GPR19: variants seen among roughly 807,000 people sequenced by gnomAD.
GPR19 encodes the protein probable G protein-coupled receptor 19.
Under a neutral mutation model 28.5 loss-of-function variants are expected in GPR19, and 14 were observed. The observed-to-expected ratio is 0.49, with a 90% CI of 0.32 to 0.77. The LOEUF (loss-of-function observed/expected upper bound fraction) is 0.77, where lower values mean the gene tolerates loss of function less well. Ranked by LOEUF, GPR19 falls within the 30% of genes least tolerant of loss-of-function variation. GPR19 has a pLI of 0.03. For synonymous variants in GPR19, 173 were observed against 184.1 expected, an observed-to-expected ratio of 0.94 and a Z score of 0.49; for missense variants, 409 against 504.1, an observed-to-expected ratio of 0.81 and a Z score of 1.81.
chr12:12,689,335 A>G (rs1235936622), intron 2 of GPR19, among the ~76,000 whole-genome samples: 2 of 152,186 alleles, frequency 1.3e-5, no homozygotes, highest in Admixed American at 1.3e-4. Context: ...GTCATCCTGG[A>G]AACTTGAAAG....
chr12:12,661,296 T>C lies in GPR19; in HGVS notation c.1153A>G (p.Thr385Ala). Residue 385 changes from threonine to alanine, a missense_variant, in exon 4 of 4, where the codon ACC becomes GCC. Thr to Ala is a moderately conservative substitution (Grantham distance 58, BLOSUM62 0). Coordinates refer to ENST00000651487, the MANE Select transcript of GPR19 (RefSeq NM_006143.3). This position sits in a 1 kb window ranked among gnomAD's most constrained non-coding sequence, Gnocchi z 4.2. Reference sequence around the variant, plus strand: ...AATGAGTCATAGATCGAGTCTTTGGTAATAGTTTTGGCCATGGAAGGGATT... The same window carrying C: ...AATGAGTCATAGATCGAGTCTTTGGCAATAGTTTTGGCCATGGAAGGGATT... ...SEIPSMAKTITKDSIYDSFDR... is the reference protein window; with the variant it reads ...SEIPSMAKTIAKDSIYDSFDR... The C allele has an allele frequency of 6.2e-7, 1 of 1,613,856 alleles. No individual in the cohort carries two copies. The highest frequency in any genetic ancestry group is 8.5e-7 in the Non-Finnish European group (1 of 1,179,748).
intron 3 of GPR19, among the ~76,000 whole-genome samples, chr12:12,673,047 T>G (rs1293532110): frequency 2.0e-5 from 3 of 152,128 alleles, no homozygotes; most frequent in Non-Finnish European, 4.4e-5. Flanking sequence ...GGACCAAGAA[T>G]TGACGGGAAA....
chr12:12,661,420 C>T lies in GPR19; in HGVS notation c.1029G>A (p.Glu343=), dbSNP rs1945671754. The T allele has an allele frequency of 1.9e-6, 3 of 1,612,918 alleles. No individual in the cohort carries two copies. The highest frequency in any genetic ancestry group is 2.5e-6 in the Non-Finnish European group (3 of 1,179,046). The change falls in exon 4 of 4, where the codon GAG becomes GAA. Residue 343 remains glutamate (E), a synonymous_variant. Transcript: ENST00000651487. This position sits in a 1 kb window ranked among gnomAD's most constrained non-coding sequence, Gnocchi z 4.2. ...YNANFRRGMK[E]TFCMSSMKCY... ...ATTTCATAGAGGACATGCAAAAAGT[C>T]TCTTTCATCCCTCTCCGAAAATTGG...
chr12:12,710,079 C>T, the GPR19 span, among the ~76,000 whole-genome samples: 6 of 152,238 alleles, frequency 3.9e-5, no homozygotes, highest in South Asian at 1.2e-3. Context: ...CAGCCAGGTG[C>T]GGTGGCTCAC....
intron 3 of GPR19, among the ~76,000 whole-genome samples, chr12:12,672,279 C>T (rs1268437636): frequency 2.0e-5 from 3 of 152,164 alleles, no homozygotes; most frequent in African/African-American, 4.8e-5. Flanking sequence ...ACCACCCCCA[C>T]GGATGTATAA....
chr12:12,674,705 C>A (rs1945906154), intron 3 of GPR19, among the ~76,000 whole-genome samples: 1 of 152,058 alleles, frequency 6.6e-6, no homozygotes, highest in Non-Finnish European at 1.5e-5. Flanking sequence ...AACCTGTGCC[C>A]ATTTGAATCA....
At chr12:12,689,302 A>G (rs531616643) in intron 2 of GPR19, among the ~76,000 whole-genome samples, 10 of 152,328 alleles carry the variant, frequency 6.6e-5, no homozygotes, top group Non-Finnish European at 1.0e-4. Flanking sequence ...TGGCAGGGAC[A>G]TATATTCAAA....
the GPR19 span, among the ~76,000 whole-genome samples, chr12:12,705,874 T>G: frequency 6.6e-6 from 1 of 152,182 alleles, no homozygotes; most frequent in East Asian, 1.9e-4. Flanking sequence ...TTTATGACAG[T>G]TAAGAAAAGA....
At chr12:12,704,369 G>A in the GPR19 span, among the ~76,000 whole-genome samples, 2 of 152,160 alleles carry the variant, frequency 1.3e-5, no homozygotes, top group African/African-American at 2.4e-5. Flanking sequence ...GGGTGTGGTA[G>A]TACAGGTCTG....
chr12:12,691,980 T>C lies in GPR19; in HGVS notation c.-180+3479A>G, dbSNP rs1299710177. Reference sequence around the variant, plus strand: ...CTGACTTAGTTTAGGCATTTCTCCCTCCTCCCAGTTTGTGCCTTCTGTAGT... The same window carrying C: ...CTGACTTAGTTTAGGCATTTCTCCCCCCTCCCAGTTTGTGCCTTCTGTAGT... On this transcript the variant is annotated intron_variant, in intron 2 of 3. Coordinates refer to ENST00000651487, the MANE Select transcript of GPR19 (RefSeq NM_006143.3). Among the ~76,000 whole-genome samples, 3 of 152,192 alleles carry C rather than the reference T, an allele frequency of 2.0e-5. No individual in the cohort carries two copies. The East Asian group carries it at 5.8e-4, about 29-fold the overall frequency.
chr12:12,696,565 A>G (rs911824494), upstream of GPR19, among the ~76,000 whole-genome samples: 2 of 152,204 alleles, frequency 1.3e-5, no homozygotes, highest in Non-Finnish European at 2.9e-5. Flanking sequence ...TTAAAAAAGT[A>G]AAAATAGAGG....
At chr12:12,696,246 C>T (rs1429277203), upstream of GPR19, 1 of 151,864 alleles carries the variant, frequency 6.6e-6, no homozygotes, top group Non-Finnish European at 1.5e-5. Flanking sequence ...ACGTGCACTC[C>T]CGGGGTGGCG....
At chr12:12,716,686 G>C in the GPR19 span, 2 of 881,270 alleles carry the variant, frequency 2.3e-6, no homozygotes, top group Non-Finnish European at 2.7e-6. Context: ...TAAGTGCCGC[G>C]TCTACTCCTG....
intron 3 of GPR19, among the ~76,000 whole-genome samples, chr12:12,665,002 C>T (rs934901965): frequency 1.3e-5 from 2 of 150,680 alleles, no homozygotes; most frequent in African/African-American, 4.9e-5. Context: ...TGGACTGCAC[C>T]CTCATACATA....
the GPR19 span, among the ~76,000 whole-genome samples, chr12:12,706,816 T>C: frequency 6.6e-6 from 1 of 152,192 alleles, no homozygotes. Flanking sequence ...GCTACCACCC[T>C]GGTCTGAGGC....
At chr12:12,704,973 C>G in the GPR19 span, among the ~76,000 whole-genome samples, 1 of 152,102 alleles carries the variant, frequency 6.6e-6, no homozygotes, top group Non-Finnish European at 1.5e-5. Context: ...AAAAAGGCAA[C>G]TAATTGCAAA....
intron 3 of GPR19, among the ~76,000 whole-genome samples, chr12:12,682,168 C>T (rs1946032558): frequency 6.6e-6 from 1 of 152,156 alleles, no homozygotes; most frequent in Non-Finnish European, 1.5e-5. Context: ...GTTAGGGGTG[C>T]TTCCATTTAG....
the GPR19 span, among the ~76,000 whole-genome samples, chr12:12,704,495 C>T: frequency 6.6e-5 from 10 of 152,108 alleles, no homozygotes; most frequent in African/African-American, 2.4e-4. Flanking sequence ...GAGCGAGACT[C>T]TGTCTCAGAA....
At chr12:12,682,407 A>T (rs1946035498) in intron 3 of GPR19, among the ~76,000 whole-genome samples, 1 of 152,162 alleles carries the variant, frequency 6.6e-6, no homozygotes, top group Admixed American at 6.5e-5. Context: ...AAAATAAAAC[A>T]GGCATGGACT....
Sources: gnomAD v4.1 joint callset for allele counts (sites outside exome capture counted in the v4.1 genomes callset) on GRCh38, gnomAD v4.1.1 for gene constraint, Gnocchi (gnomAD v3.1) non-coding constraint, MANE v1.5 for transcripts, NCBI Gene and HGNC (gene_info 2026-07-23, HGNC 2026-07-21) for gene names.